The following LOC400499 variants were observed in gnomAD, a reference collection of about 807,000 sequenced individuals.
the LOC400499 span, chr16:11,500,803 C>G: frequency 2.5e-6 from 1 of 399,122 alleles, no homozygotes; most frequent in Non-Finnish European, 4.4e-6. Flanking sequence ...CAGGGACTCA[C>G]CAGCAGCATG....
the LOC400499 span, among the ~76,000 whole-genome samples, chr16:11,447,584 C>T: frequency 1.3e-5 from 2 of 152,118 alleles, no homozygotes; most frequent in African/African-American, 2.4e-5. Flanking sequence ...ATGCATAGCC[C>T]GCAGTCCAAG....
At chr16:11,510,608 C>T in the LOC400499 span, among the ~76,000 whole-genome samples, 1 of 151,654 alleles carries the variant, frequency 6.6e-6, no homozygotes, top group Non-Finnish European at 1.5e-5. Flanking sequence ...TTCCCCCTCC[C>T]AGGAGGGTGT....
the LOC400499 span, among the ~76,000 whole-genome samples, chr16:11,424,789 G>A: frequency 6.6e-6 from 1 of 152,160 alleles, no homozygotes; most frequent in African/African-American, 2.4e-5. Flanking sequence ...TGCGGTCCCA[G>A]AGGGCATCCT....
chr16:11,465,011 G>C, the LOC400499 span, among the ~76,000 whole-genome samples: 1 of 152,188 alleles, frequency 6.6e-6, no homozygotes, highest in Non-Finnish European at 1.5e-5. Flanking sequence ...AGAGGAGAAT[G>C]TATTTTTGCA....
At chr16:11,399,768 G>C in the LOC400499 span, 2 of 398,802 alleles carry the variant, frequency 5.0e-6, no homozygotes, top group Non-Finnish European at 8.8e-6. Flanking sequence ...CGTCAGCCCA[G>C]GTGAGCTGCA....
At chr16:11,415,634 G>A in the LOC400499 span, among the ~76,000 whole-genome samples, 1 of 152,162 alleles carries the variant, frequency 6.6e-6, no homozygotes, top group African/African-American at 2.4e-5. Flanking sequence ...CCCACACCTG[G>A]GAGCACCCGG....
the LOC400499 span, chr16:11,500,704 G>A: frequency 2.5e-6 from 1 of 397,256 alleles, no homozygotes; most frequent in Non-Finnish European, 4.4e-6. Context: ...TATCCTACGA[G>A]GGGCTGGCAC....
At chr16:11,478,040 C>G in the LOC400499 span, 4 of 396,410 alleles carry the variant, frequency 1.0e-5, no homozygotes, top group African/African-American at 8.3e-5. Context: ...GGGCCGGGCT[C>G]GGTGGCTCAC....
chr16:11,512,007 G>C, the LOC400499 span, among the ~76,000 whole-genome samples: 1 of 151,994 alleles, frequency 6.6e-6, no homozygotes, highest in Non-Finnish European at 1.5e-5. Flanking sequence ...TTAAGTTGAA[G>C]GCTGGGCACG....
chr16:11,391,332 A>G, the LOC400499 span, among the ~76,000 whole-genome samples: 28 of 152,336 alleles, frequency 1.8e-4, no homozygotes, highest in African/African-American at 6.5e-4. Flanking sequence ...GTGGAACCAG[A>G]AAGAGATGCT....
the LOC400499 span, chr16:11,494,820 C>A: frequency 2.5e-6 from 1 of 397,454 alleles, no homozygotes; most frequent in Non-Finnish European, 4.4e-6. Context: ...ACAGGCCTCA[C>A]CCTGGCCACA....
At chr16:11,410,552 C>A in the LOC400499 span, among the ~76,000 whole-genome samples, 1 of 152,206 alleles carries the variant, frequency 6.6e-6, no homozygotes, top group Non-Finnish European at 1.5e-5. Flanking sequence ...CGTGTAAATG[C>A]GGCAGGGGAC....
chr16:11,443,387 G>C, the LOC400499 span: 4 of 429,332 alleles, frequency 9.3e-6, no homozygotes, highest in Non-Finnish European at 1.8e-5. Flanking sequence ...CATGAACCTG[G>C]GACGTGGAGG....
the LOC400499 span, chr16:11,393,574 G>A: frequency 8.1e-7 from 1 of 1,232,354 alleles, no homozygotes; most frequent in Non-Finnish European, 1.0e-6. Context: ...GAGGGGGAAG[G>A]CAGAGGCCTG....
the LOC400499 span, among the ~76,000 whole-genome samples, chr16:11,485,577 C>T: frequency 9.3e-4 from 142 of 152,174 alleles, no homozygotes; most frequent in African/African-American, 3.3e-3. Context: ...GCGCACCCCT[C>T]TCTTCACCTA....
chr16:11,446,382 T>C, the LOC400499 span, among the ~76,000 whole-genome samples: 105 of 152,164 alleles, frequency 6.9e-4, 2 homozygotes, highest in Middle Eastern at 0.017. Flanking sequence ...GATCTCAAAC[T>C]CCTGGTCTTA....
At chr16:11,374,166 G>C in the LOC400499 span, among the ~76,000 whole-genome samples, 1 of 152,146 alleles carries the variant, frequency 6.6e-6, no homozygotes, top group African/African-American at 2.4e-5. Context: ...TACTATCTGA[G>C]TCCTGTGGGT....
the LOC400499 span, chr16:11,460,663 C>G: frequency 6.8e-7 from 1 of 1,478,174 alleles, no homozygotes; most frequent in African/African-American, 1.4e-5. Context: ...CAGCCCTCCA[C>G]CAGGGCTCCA....
At chr16:11,456,956 GCT>G in the LOC400499 span, 3 of 1,536,124 alleles carry the variant, frequency 2.0e-6, no homozygotes, top group Non-Finnish European at 2.6e-6. Context: ...GGTGACTGCT[GCT>G]CTCCACATAG....
Sources: gnomAD v4.1 joint callset for allele counts (sites outside exome capture counted in the v4.1 genomes callset) on GRCh38, gnomAD v4.1.1 for gene constraint, MANE v1.5 for transcripts.